Variants in AP3M1 observed in about 807,000 individuals in gnomAD.
The protein encoded by AP3M1 is adaptor related protein complex 3 subunit mu 1.
A neutral mutation model predicts 42.6 loss-of-function variants in AP3M1; 29 were observed. The ratio of observed to expected loss-of-function variants is 0.68; its 90% CI spans 0.51 to 0.93. The LOEUF is 0.93. AP3M1 is among the 40% of genes least tolerant of loss of function. The pLI, the probability that AP3M1 is intolerant of heterozygous loss-of-function variation, is 0.00. For synonymous variants in AP3M1, 178 were observed against 175.3 expected (o/e 1.02, Z -0.12); for missense variants, 416 against 510.2 (o/e 0.82, Z 1.78).
At chr10:74,140,995 G>T (rs1841129072) in intron 1 of AP3M1, among the ~76,000 whole-genome samples, 1 of 151,936 alleles carries the variant, frequency 6.6e-6, no homozygotes, top group Non-Finnish European at 1.5e-5. Flanking sequence ...GTACAGACAA[G>T]AAAAATAAAA....
rs1840531878 is a variant in AP3M1 at position 74,123,618 on chromosome 10, C to T, written c.*192G>A. The T allele has an allele frequency of 1.7e-6, 1 of 576,042 alleles. No individual in the cohort carries two copies. The highest frequency in any genetic ancestry group is 3.1e-6 in the Non-Finnish European group (1 of 323,740). 35.7% of individuals were successfully genotyped at this position (576,042 alleles called of 1,614,324 possible). A position where few individuals can be genotyped will look rare whatever the true frequency, so the allele number is the denominator to read the frequency against. ...TGAAAAGATACAAAATAAGCTAAGTCACTAAAAGGTTTCCTTAGCTTAAAG... is the reference window on the plus strand; with the variant it reads ...TGAAAAGATACAAAATAAGCTAAGTTACTAAAAGGTTTCCTTAGCTTAAAG... On this transcript the variant is annotated 3_prime_UTR_variant, in exon 9 of 9. Transcript: ENST00000355264.
intron 7 of AP3M1, 110 bp from the exon 8 acceptor site, chr10:74,124,634 C>T: frequency 1.1e-6 from 1 of 912,114 alleles, no homozygotes; most frequent in Non-Finnish European, 1.6e-6. Flanking sequence ...AGTGCAGTCT[C>T]TTGAAAACAA....
intron 4 of AP3M1, among the ~76,000 whole-genome samples, chr10:74,133,195 G>T (rs1205903876): frequency 6.6e-6 from 1 of 152,162 alleles, no homozygotes; most frequent in Non-Finnish European, 1.5e-5. Flanking sequence ...AGGAGTTCGA[G>T]ACCAGCCTGA....
chr10:74,144,572 A>G (rs1018715425), intron 1 of AP3M1, among the ~76,000 whole-genome samples: 7 of 152,164 alleles, frequency 4.6e-5, no homozygotes, highest in African/African-American at 1.7e-4. Flanking sequence ...CCTAGCCTGA[A>G]GTTTTAATTT....
At chr10:74,144,783 C>G (rs1279434662) in intron 1 of AP3M1, among the ~76,000 whole-genome samples, 3 of 151,972 alleles carry the variant, frequency 2.0e-5, no homozygotes, top group Admixed American at 2.0e-4. Flanking sequence ...CTGCCTCAGC[C>G]TCCCGAGTAG....
intron 6 of AP3M1, among the ~76,000 whole-genome samples, chr10:74,126,574 G>A (rs575857617): frequency 2.2e-4 from 33 of 152,238 alleles, no homozygotes; most frequent in Admixed American, 5.9e-4. Context: ...TTGGCCAGGC[G>A]TGGTGGCTCA....
chr10:74,140,039 G>A (rs1223883413), intron 1 of AP3M1, among the ~76,000 whole-genome samples: 1 of 152,140 alleles, frequency 6.6e-6, no homozygotes, highest in Non-Finnish European at 1.5e-5. Flanking sequence ...AGGGGCGAAC[G>A]GGGTGGGGTG....
rs141167605 is a variant in AP3M1, at chr10:74,138,199, G to T, written c.181C>A (p.Arg61=). The change falls in exon 2 of 9, where the codon CGG becomes AGG. Residue 61 remains arginine (R), a synonymous_variant. Transcript: ENST00000355264. The part of the protein sequence containing the change: ...TPHHYLISIY[R]DKLFFVSVIQ... ...ACAGATACAAAGAAGAGCTTATCCC[G>T]GTAGATACTGATGAGGTAGTGGTGA... 628 of 1,614,078 alleles carry T rather than the reference G, an allele frequency of 3.9e-4. 2 individuals carry two copies. In the African/African-American group the frequency reaches 7.6e-3, roughly 19 times the overall value.
At chr10:74,124,230 C>T in intron 8 of AP3M1, 150 bp downstream of exon 8, 1 of 923,018 alleles carries the variant, frequency 1.1e-6, no homozygotes, top group South Asian at 1.9e-5. Context: ...TTGGTCGGTG[C>T]CTGTGAGACT....
rs1361349286 is a variant in AP3M1 at position 74,121,852 on chromosome 10, A to G, written c.*1958T>C. The G allele has an allele frequency of 6.6e-6, 1 of 152,208 alleles. No homozygotes were observed. The highest frequency in any genetic ancestry group is 2.4e-5 in the African/African-American group (1 of 41,454). The allele number at this position is 152,208 out of a possible 1,614,324, so 9.4% of individuals were successfully genotyped here. A position where few individuals can be genotyped will look rare whatever the true frequency, so the allele number is the denominator to read the frequency against. On this transcript the variant is annotated 3_prime_UTR_variant, in exon 9 of 9. Coordinates refer to ENST00000355264, the MANE Select transcript of AP3M1 (RefSeq NM_012095.6). Reference sequence around the variant, plus strand: ...GCAAATTAATAAATACAGTAATTTGATTGTAAAAGGAAACATTCTACTTGG... The same window carrying G: ...GCAAATTAATAAATACAGTAATTTGGTTGTAAAAGGAAACATTCTACTTGG...
chr10:74,130,095 G>GA, intron 4 of AP3M1, 103 bp from the exon 5 acceptor site: 1 of 869,272 alleles, frequency 1.2e-6, no homozygotes, highest in East Asian at 2.6e-5. Context: ...TTTAGAGACA[G>GA]AGTCTTGCTC....
At chr10:74,138,705 C>G in intron 1 of AP3M1, 1 of 188,122 alleles carries the variant, frequency 5.3e-6, no homozygotes, top group Non-Finnish European at 1.1e-5. Context: ...CTGAGGTGGG[C>G]GGATTGCTTG....
Position 74,124,494 on chromosome 10 carries a change from G to T in AP3M1, c.1042C>A (p.Pro348Thr), listed in dbSNP as rs1225545870. The T allele has an allele frequency of 3.7e-6, 6 of 1,610,024 alleles. No individual in the cohort carries two copies. The highest frequency in any genetic ancestry group is 5.1e-6 in the Non-Finnish European group (6 of 1,178,824). Reference protein sequence around the residue: ...VLTWDVGKITPQKLPSLKGLV... With the variant: ...VLTWDVGKITTQKLPSLKGLV... Reference sequence around the variant, plus strand: ...CCTTTAAGACTTGGGAGCTTTTGTGGAGTAATTTTTCCCACATCCCATGTT... The same window carrying T: ...CCTTTAAGACTTGGGAGCTTTTGTGTAGTAATTTTTCCCACATCCCATGTT... Residue 348 changes from proline to threonine, a missense_variant, in exon 8 of 9, where the codon CCA becomes ACA. Transcript: ENST00000355264.
chr10:74,141,963 C>T (rs1488120573), intron 1 of AP3M1, among the ~76,000 whole-genome samples: 4 of 151,674 alleles, frequency 2.6e-5, no homozygotes, highest in Non-Finnish European at 5.9e-5. Flanking sequence ...CCTCGTGATC[C>T]GCCTGCCTCA....
At chr10:74,139,718 C>T (rs566190318) in intron 1 of AP3M1, among the ~76,000 whole-genome samples, 10 of 151,658 alleles carry the variant, frequency 6.6e-5, no homozygotes, top group Admixed American at 1.3e-4. Context: ...GAGATCGAGA[C>T]CATCCTGGCT....
At chr10:74,136,363 A>T (rs1216485174) in intron 3 of AP3M1, among the ~76,000 whole-genome samples, 2 of 152,174 alleles carry the variant, frequency 1.3e-5, no homozygotes, top group African/African-American at 4.8e-5. Context: ...CAATTTATTC[A>T]GTCTTAGTAT....
chr10:74,122,668 G>C lies in AP3M1; in HGVS notation c.*1142C>G, dbSNP rs545559405. The C allele has an allele frequency of 1.3e-5, 2 of 152,174 alleles. No individual in the cohort carries two copies. The highest frequency in any genetic ancestry group is 2.4e-5 in the African/African-American group (1 of 41,432). 9.4% of individuals were successfully genotyped at this position (152,174 alleles called of 1,614,324 possible). Reference sequence around the variant, plus strand: ...TTGTCAGTATAGTACGTATATTTAAGCACTCCAGTGACAATTATGACAATA... The same window carrying C: ...TTGTCAGTATAGTACGTATATTTAACCACTCCAGTGACAATTATGACAATA... On this transcript the variant is annotated 3_prime_UTR_variant, in exon 9 of 9. Transcript: ENST00000355264.
intron 4 of AP3M1, among the ~76,000 whole-genome samples, chr10:74,131,005 GGGAGGCTGAGGCA>G (rs1481873562): frequency 2.0e-5 from 3 of 151,894 alleles, no homozygotes; most frequent in African/African-American, 7.3e-5. Context: ...CCAGCTACTT[GGGAGGCTGAGGCA>G]GGAGAATCGC....
rs896410387 is a variant in AP3M1 at position 74,134,145 on chromosome 10, G to A, written c.465C>T (p.Asp155=). 1 of 1,613,962 alleles carries A rather than the reference G, an allele frequency of 6.2e-7. No homozygotes were observed. Among genetic ancestry groups the A allele is most frequent in the South Asian group, 1.1e-5 (1 of 91,064 alleles). Residue 155 remains aspartate, a synonymous_variant, in exon 4 of 9, where the codon GAC becomes GAT. Coordinates refer to ENST00000355264, the MANE Select transcript of AP3M1 (RefSeq NM_012095.6). The part of the protein sequence containing the change: ...NSITGSSNVG[D]TLPTGQLSNI... Reference sequence around the variant, plus strand: ...TGGACAGCTGCCCGGTGGGGAGTGTGTCCCCAACATTACTACTGCCTAGAA... The same window carrying A: ...TGGACAGCTGCCCGGTGGGGAGTGTATCCCCAACATTACTACTGCCTAGAA...
Sources: allele counts gnomAD v4.1 joint callset (sites outside exome capture counted in the v4.1 genomes callset), GRCh38; gene constraint gnomAD v4.1.1; transcripts MANE v1.5; gene names NCBI Gene and HGNC (gene_info 2026-07-23, HGNC 2026-07-21).